The following KIAA1958 variants were observed in gnomAD, a reference collection of about 807,000 sequenced individuals.
The protein encoded by KIAA1958 is KIAA1958, also known as uncharacterized protein KIAA1958.
Under a neutral mutation model 47.2 loss-of-function variants are expected in KIAA1958, and 14 were observed. The ratio of observed to expected loss-of-function variants is 0.30; its 90% CI spans 0.20 to 0.46. The LOEUF (loss-of-function observed/expected upper bound fraction) is 0.46, where lower values mean the gene tolerates loss of function less well. Ranked by LOEUF, KIAA1958 falls within the 20% of genes least tolerant of loss-of-function variation. The pLI is 1.00. For missense variants in KIAA1958, 803 were observed against 909.2 expected (o/e 0.88, Z 1.50); for synonymous variants, 354 against 353.3 (o/e 1.00, Z -0.02).
At chr9:112,643,380 C>T (rs1564199785) in intron 2 of KIAA1958, among the ~76,000 whole-genome samples, 2 of 152,174 alleles carry the variant, frequency 1.3e-5, no homozygotes, top group Non-Finnish European at 2.9e-5. Context: ...ACCTTGAAAA[C>T]AGGAATAACA....
At chr9:112,497,278 A>T (rs966274771) in intron 1 of KIAA1958, among the ~76,000 whole-genome samples, 1 of 152,200 alleles carries the variant, frequency 6.6e-6, no homozygotes, top group African/African-American at 2.4e-5. Flanking sequence ...TAGGGCATTT[A>T]AAAAGGTGAT....
chr9:112,557,673 G>A (rs1204137375), intron 1 of KIAA1958, among the ~76,000 whole-genome samples: 1 of 152,156 alleles, frequency 6.6e-6, no homozygotes, highest in African/African-American at 2.4e-5. Context: ...AAGCAAGGGC[G>A]ATGAGCCAGT....
chr9:112,648,401 C>G (rs1346127221), intron 3 of KIAA1958, among the ~76,000 whole-genome samples: 1 of 152,140 alleles, frequency 6.6e-6, no homozygotes, highest in Non-Finnish European at 1.5e-5. Flanking sequence ...GCAACATAAC[C>G]TAAGAGCTCT....
chr9:112,617,234 A>G (rs1426248439), intron 2 of KIAA1958, among the ~76,000 whole-genome samples: 1 of 152,186 alleles, frequency 6.6e-6, no homozygotes, highest in Non-Finnish European at 1.5e-5. Flanking sequence ...TATCCTCATT[A>G]CCCTCCAAAA....
chr9:112,637,905 T>G lies in KIAA1958; in HGVS notation c.1172-7745T>G, dbSNP rs7850530. ...GGCTCACACCTGTAATCCCAACACT[T>G]TGGGAGGCCGAGGAGGGTGGATCAC... On this transcript the variant is annotated intron_variant, in intron 2 of 3. Coordinates refer to ENST00000337530, the MANE Select transcript of KIAA1958 (RefSeq NM_133465.4). Among the ~76,000 whole-genome samples the G allele has an allele frequency of 3.5e-3, 526 of 152,056 alleles. 2 individuals carry two copies. Among genetic ancestry groups the G allele is most frequent in the African/African-American group, 0.012 (493 of 41,504 alleles).
rs182202980 is a variant in KIAA1958, at chr9:112,586,728, G to T, written c.1171+11477G>T. On this transcript the variant is annotated intron_variant, in intron 2 of 3. Transcript: ENST00000337530. ...ATCTAGCAAATAGCTGTAAACCTCA[G>T]AATATAATTTTCTTTCAGTGAATTG... Among the ~76,000 whole-genome samples the T allele has an allele frequency of 9.1e-4, 139 of 152,276 alleles. 1 individual carries two copies. The highest frequency in any genetic ancestry group is 5.4e-3 in the South Asian group (26 of 4,820).
chr9:112,560,387 A>G (rs1835307453), intron 1 of KIAA1958, among the ~76,000 whole-genome samples: 1 of 151,758 alleles, frequency 6.6e-6, no homozygotes. Context: ...TGTTTTATAG[A>G]GAAAGGGTCT....
intron 2 of KIAA1958, among the ~76,000 whole-genome samples, chr9:112,593,693 G>A (rs1261769107): frequency 1.3e-5 from 2 of 151,708 alleles, no homozygotes; most frequent in Non-Finnish European, 2.9e-5. Context: ...GTACAGGTGT[G>A]AGCCACTGAG....
At position 112,486,860 on chromosome 9, in the gene KIAA1958, C is replaced by T. The variant is rs1833856501; in HGVS notation, c.-283C>T. On this transcript the variant is annotated 5_prime_UTR_variant, in exon 1 of 4. Transcript: ENST00000337530. ...CGCCCGCCGCGCTCCGAGCCGGGCG[C>T]GCGGAGCTCGGGGCGCACGGAGCGG... 7.1e-6 allele frequency: 1 copy of T among 140,852 alleles called. No homozygotes were observed. The highest frequency in any genetic ancestry group is 2.2e-4 in the South Asian group (1 of 4,568). 8.7% of individuals were successfully genotyped at this position (140,852 alleles called of 1,614,324 possible).
rs73656435 is a variant in KIAA1958, at chr9:112,534,304, A to G, written c.-24-39753A>G. Reference sequence around the variant, plus strand: ...GGCATGTCAGAATGAAAGGACCAACAGTGGATGAGATGGCCTTCCACTGCT... The same window carrying G: ...GGCATGTCAGAATGAAAGGACCAACGGTGGATGAGATGGCCTTCCACTGCT... On this transcript the variant is annotated intron_variant, in intron 1 of 3. Coordinates refer to ENST00000337530, the MANE Select transcript of KIAA1958 (RefSeq NM_133465.4). Among the ~76,000 whole-genome samples the G allele has an allele frequency of 4.5e-3, 693 of 152,344 alleles. 4 individuals are homozygous for G. The highest frequency in any genetic ancestry group is 0.016 in the African/African-American group (664 of 41,580).
At chr9:112,594,203 G>A (rs1315888782) in intron 2 of KIAA1958, among the ~76,000 whole-genome samples, 4 of 152,166 alleles carry the variant, frequency 2.6e-5, no homozygotes, top group African/African-American at 9.7e-5. Flanking sequence ...GGAAAGTTCT[G>A]GAAGGTGGGA....
chr9:112,613,680 A>G (rs923143191), intron 2 of KIAA1958, among the ~76,000 whole-genome samples: 1 of 152,230 alleles, frequency 6.6e-6, no homozygotes, highest in Non-Finnish European at 1.5e-5. Flanking sequence ...TTGAACGGGC[A>G]CTTCATGAAA....
intron 3 of KIAA1958, among the ~76,000 whole-genome samples, chr9:112,656,909 A>G (rs375383264): frequency 6.6e-6 from 1 of 152,060 alleles, no homozygotes; most frequent in African/African-American, 2.4e-5. Context: ...CATTTTCTAT[A>G]TAGTCTTTCT....
intron 1 of KIAA1958, among the ~76,000 whole-genome samples, chr9:112,542,199 A>G (rs1834956191): frequency 6.6e-6 from 1 of 152,176 alleles, no homozygotes; most frequent in African/African-American, 2.4e-5. Context: ...TGATGAAAAT[A>G]TGAATATGTT....
chr9:112,539,589 T>C lies in KIAA1958; in HGVS notation c.-24-34468T>C, dbSNP rs144989189. On this transcript the variant is annotated intron_variant, in intron 1 of 3. Transcript: ENST00000337530. Reference sequence around the variant, plus strand: ...AGGTTTCTTTTTAGGGTCATGAAGATGTTCTAAAATTGATTGTGATTCTAA... The same window carrying C: ...AGGTTTCTTTTTAGGGTCATGAAGACGTTCTAAAATTGATTGTGATTCTAA... 5.6e-4 allele frequency among the ~76,000 whole-genome samples: 85 copies of C among 152,120 alleles called. 1 individual carries two copies. The highest frequency in any genetic ancestry group is 2.0e-3 in the African/African-American group (85 of 41,478).
intron 2 of KIAA1958, among the ~76,000 whole-genome samples, chr9:112,579,436 C>T (rs111839448): frequency 6.6e-6 from 1 of 152,064 alleles, no homozygotes; most frequent in Non-Finnish European, 1.5e-5. Context: ...AGTTAGAATA[C>T]CTTTTGGGGT....
At chr9:112,601,517 G>A (rs1272945355) in intron 2 of KIAA1958, among the ~76,000 whole-genome samples, 5 of 151,618 alleles carry the variant, frequency 3.3e-5, no homozygotes, top group Non-Finnish European at 7.4e-5. Flanking sequence ...TGTTAAAAAT[G>A]CAGACTCCTC....
At position 112,635,214 on chromosome 9, in the gene KIAA1958, T is replaced by TGTGTGTG; in HGVS notation, c.1172-10436_1172-10435insGTGTGTG. 3.1e-5 allele frequency among the ~76,000 whole-genome samples: 4 copies of TGTGTGTG among 130,436 alleles called. 1 individual carries two copies. The highest frequency in any genetic ancestry group is 2.3e-4 in the East Asian group (1 of 4,318). The allele number at this position is 130,436 out of a possible 152,430, so 85.6% of individuals were successfully genotyped here. A position where few individuals can be genotyped will look rare whatever the true frequency, so the allele number is the denominator to read the frequency against. ...AAGTTTTATTTTGAGATTCTTTATT[T>TGTGTGTG]TGTGTGTGTGTGTGTGTGTGTGTGT... On this transcript the variant is annotated intron_variant, in intron 2 of 3. Coordinates refer to ENST00000337530, the MANE Select transcript of KIAA1958 (RefSeq NM_133465.4).
At chr9:112,578,280 A>G (rs1207207266) in intron 2 of KIAA1958, among the ~76,000 whole-genome samples, 1 of 152,188 alleles carries the variant, frequency 6.6e-6, no homozygotes, top group Non-Finnish European at 1.5e-5. Context: ...CTTTCTAAAC[A>G]TAGATTTTAA....
Sources: allele counts gnomAD v4.1 joint callset (sites outside exome capture counted in the v4.1 genomes callset), GRCh38; gene constraint gnomAD v4.1.1; transcripts MANE v1.5; gene names NCBI Gene and HGNC (gene_info 2026-07-23, HGNC 2026-07-21).